The following KCNJ12 variants were observed in gnomAD, a reference collection of about 807,000 sequenced individuals.
KCNJ12 encodes potassium inwardly rectifying channel subfamily J member 12, also known as ATP-sensitive inward rectifier potassium channel 12.
Under a neutral mutation model 22.3 loss-of-function variants are expected in KCNJ12, and 2 were observed. The observed-to-expected ratio is 0.09, with a 90% CI of 0.04 to 0.28. KCNJ12 has a LOEUF of 0.28. Ranked by LOEUF, KCNJ12 falls within the 10% of genes least tolerant of loss-of-function variation. The pLI is 1.00. For synonymous variants in KCNJ12, 117 were observed against 261.4 expected, an observed-to-expected ratio of 0.45 and a Z score of 5.33; for missense variants, 155 against 633.3, an observed-to-expected ratio of 0.24 and a Z score of 8.11.
rs1359515923 is a variant in KCNJ12 at position 21,417,723 on chromosome 17, C to T, written c.*1079C>T. The T allele has an allele frequency of 9.0e-5, 15 of 167,098 alleles. No individual in the cohort carries two copies. The highest frequency in any genetic ancestry group is 2.6e-4 in the African/African-American group (11 of 41,560). 10.4% of individuals were successfully genotyped at this position (167,098 alleles called of 1,614,324 possible). A position where few individuals can be genotyped will look rare whatever the true frequency, so the allele number is the denominator to read the frequency against. On this transcript the variant is annotated 3_prime_UTR_variant, in exon 3 of 3. Transcript: ENST00000583088. ...TGGGCTTGCTCATCTCCCCCCAACC[C>T]TGTCCCACCCCACCCCTCCCATACC...
At chr17:21,378,772 G>T (rs1337789073) in intron 1 of KCNJ12, among the ~76,000 whole-genome samples, 1 of 152,060 alleles carries the variant, frequency 6.6e-6, no homozygotes, top group South Asian at 2.1e-4. Flanking sequence ...AGCACTGAAG[G>T]GGGTGGAGCC....
intron 2 of KCNJ12, among the ~76,000 whole-genome samples, chr17:21,409,755 TG>T (rs1335534442): frequency 6.6e-6 from 1 of 152,266 alleles, no homozygotes; most frequent in Non-Finnish European, 1.5e-5. Flanking sequence ...GGGCCTGAGG[TG>T]GTAAGGGCCT....
At chr17:21,401,141 C>T (rs1323053223) in intron 1 of KCNJ12, among the ~76,000 whole-genome samples, 10 of 152,396 alleles carry the variant, frequency 6.6e-5, no homozygotes, top group Admixed American at 5.9e-4. Flanking sequence ...GCAAAGCCTG[C>T]CCCTGCTTTG....
intron 1 of KCNJ12, among the ~76,000 whole-genome samples, chr17:21,389,597 G>A (rs989832616): frequency 2.0e-5 from 3 of 152,158 alleles, no homozygotes; most frequent in Non-Finnish European, 2.9e-5. Flanking sequence ...CAGTCCTGAG[G>A]GGGAAGCAGC....
chr17:21,383,529 G>A (rs1359038129), intron 1 of KCNJ12, among the ~76,000 whole-genome samples: 8 of 152,212 alleles, frequency 5.3e-5, no homozygotes, highest in Admixed American at 5.2e-4. Context: ...GCAGGTTGGG[G>A]ATGCTCAAAA....
chr17:21,396,794 G>T (rs1325753935), intron 1 of KCNJ12, among the ~76,000 whole-genome samples: 1 of 152,216 alleles, frequency 6.6e-6, no homozygotes, highest in East Asian at 1.9e-4. Context: ...TGGGGCTAAG[G>T]CATCAGGTTT....
At chr17:21,410,342 G>T (rs1906248726) in intron 2 of KCNJ12, among the ~76,000 whole-genome samples, 1 of 152,270 alleles carries the variant, frequency 6.6e-6, no homozygotes, top group Non-Finnish European at 1.5e-5. Flanking sequence ...CCAGGCCCCA[G>T]TGCTGCATCT....
In KCNJ12 at chr17:21,416,522, G is replaced by A. The variant is rs376362557; in HGVS notation, c.1180G>A (p.Gly394Arg). The change falls in exon 3 of 3, where the codon GGA (glycine) becomes AGA (arginine). Residue 394 changes from glycine (G) to arginine (R), a missense_variant. By Grantham distance (125) the Gly-to-Arg change is moderately radical. Transcript: ENST00000583088. ...LSRDEEDEAD[G>R]DQDGRSRDGL... The stretch of plus-strand genomic sequence containing the variant: ...CCGTGACGAGGAGGATGAGGCGGAC[G>A]GAGACCAGGACGGCCGAAGCCGGGA... 11 of 1,612,528 alleles carry A rather than the reference G, an allele frequency of 6.8e-6. No individual in the cohort carries two copies. Among genetic ancestry groups the A allele is most frequent in the Middle Eastern group, 1.7e-4 (1 of 6,010 alleles).
chr17:21,409,693 G>A (rs1289748619), intron 2 of KCNJ12, among the ~76,000 whole-genome samples: 2 of 149,264 alleles, frequency 1.3e-5, no homozygotes, highest in African/African-American at 2.4e-5. Flanking sequence ...CATGGCTAGA[G>A]AGAGCTTTTG....
intron 1 of KCNJ12, among the ~76,000 whole-genome samples, chr17:21,377,912 T>A (rs912121873): frequency 6.6e-6 from 1 of 152,272 alleles, no homozygotes; most frequent in Non-Finnish European, 1.5e-5. Context: ...AGTACCGCGC[T>A]GCCTGTGGCC....
chr17:21,395,969 C>T (rs1336111885), intron 1 of KCNJ12, among the ~76,000 whole-genome samples: 2 of 152,184 alleles, frequency 1.3e-5, no homozygotes, highest in Non-Finnish European at 2.9e-5. Context: ...CAGGCATGGC[C>T]TGCCCTCTCT....
chr17:21,392,255 G>A (rs1555559400), intron 1 of KCNJ12, among the ~76,000 whole-genome samples: 1 of 152,232 alleles, frequency 6.6e-6, no homozygotes, highest in East Asian at 1.9e-4. Context: ...GAGGTGCTGT[G>A]TGAAGGGCTT....
At chr17:21,400,459 G>A (rs1346290860) in intron 1 of KCNJ12, among the ~76,000 whole-genome samples, 2 of 152,300 alleles carry the variant, frequency 1.3e-5, no homozygotes, top group African/African-American at 2.4e-5. Context: ...TGGAATGTCT[G>A]TCTCCCCCGA....
At chr17:21,391,457 C>T (rs781911694) in intron 1 of KCNJ12, among the ~76,000 whole-genome samples, 2 of 152,206 alleles carry the variant, frequency 1.3e-5, no homozygotes, top group Non-Finnish European at 2.9e-5. Flanking sequence ...GACTGTCCTG[C>T]TGCTCCCCAG....
chr17:21,401,298 C>G (rs1482726361), intron 1 of KCNJ12, among the ~76,000 whole-genome samples: 417 of 152,348 alleles, frequency 2.7e-3, no homozygotes, highest in African/African-American at 7.9e-3. Flanking sequence ...CATCCCCAGG[C>G]CCTCACACCT....
rs1436843656 is a variant in KCNJ12, at chr17:21,419,174, G to GGA, written c.*2532_*2533dup. On this transcript the variant is annotated 3_prime_UTR_variant, in exon 3 of 3. Transcript: ENST00000583088. Reference sequence around the variant, plus strand: ...GGAGCGAGGAAGACTTGGCCCCTGGGGAGTGTGTGTGTGGAGGCGTGTGCC... The same window carrying GGA: ...GGAGCGAGGAAGACTTGGCCCCTGGGGAGAGTGTGTGTGTGGAGGCGTGTGCC... 6.0e-6 allele frequency: 1 copy of GGA among 167,062 alleles called. No homozygotes were observed. The highest frequency in any genetic ancestry group is 1.5e-5 in the Non-Finnish European group (1 of 68,178). The allele number at this position is 167,062 out of a possible 1,614,324, so 10.3% of individuals were successfully genotyped here.
intron 1 of KCNJ12, among the ~76,000 whole-genome samples, chr17:21,389,132 C>T (rs1905146268): frequency 1.3e-5 from 2 of 152,216 alleles, no homozygotes; most frequent in African/African-American, 4.8e-5. Context: ...AGGTGTTAGG[C>T]TGTTTCAGAA....
chr17:21,400,508 A>G (rs1281346399), intron 1 of KCNJ12, among the ~76,000 whole-genome samples: 9 of 152,288 alleles, frequency 5.9e-5, no homozygotes, highest in Middle Eastern at 3.2e-3. Flanking sequence ...CACCCTTTTC[A>G]TGCTACACCC....
chr17:21,408,322 C>G (rs1906104985), intron 1 of KCNJ12, among the ~76,000 whole-genome samples, 197 bp from the exon 2 acceptor site: 1 of 152,238 alleles, frequency 6.6e-6, no homozygotes, highest in South Asian at 2.1e-4. Context: ...TTGTTCTGCT[C>G]TTCTCTGGTT....
Sources: allele counts gnomAD v4.1 joint callset (sites outside exome capture counted in the v4.1 genomes callset), GRCh38; gene constraint gnomAD v4.1.1; transcripts MANE v1.5; gene names NCBI Gene and HGNC (gene_info 2026-07-23, HGNC 2026-07-21).